The following NKX6-3 variants were observed in gnomAD, a reference collection of about 807,000 sequenced individuals.
The protein encoded by NKX6-3 is NK6 homeobox 3.
In NKX6-3, 17 loss-of-function variants were observed where a neutral mutation model predicts 22.0. That is an observed-to-expected ratio of 0.77 (90% confidence interval 0.53 to 1.16). The LOEUF (loss-of-function observed/expected upper bound fraction) is 1.16, where lower values mean the gene tolerates loss of function less well. Ranked by LOEUF, NKX6-3 falls within the 50% of genes most tolerant of loss-of-function variation. The pLI is 0.00. For missense variants in NKX6-3, 363 were observed against 359.0 expected (o/e 1.01, Z -0.09); for synonymous variants, 177 against 167.2 (o/e 1.06, Z -0.45).
At chr8:41,646,762 G>A in intron 2 of NKX6-3, 68 bp from the exon 3 acceptor site, 1 of 1,501,548 alleles carries the variant, frequency 6.7e-7, no homozygotes, top group Non-Finnish European at 8.8e-7. Flanking sequence ...CAGCCATCCT[G>A]CTTTTACAGC....
chr8:41,647,150 C>CTAACTAGGTCCATA, intron 2 of NKX6-3: 3 of 1,597,902 alleles, frequency 1.9e-6, no homozygotes, highest in Non-Finnish European at 2.6e-6. Context: ...AGAAAAGTAA[C>CTAACTAGGTCCATA]GTAGGTCCAT....
rs753672256 is a variant in NKX6-3, at chr8:41,646,619, G to T, written c.628C>A (p.Pro210Thr). Residue 210 changes from proline to threonine, a missense_variant, in exon 3 of 3, where the codon CCG (proline) becomes ACG (threonine). Pro to Thr is a conservative substitution (Grantham distance 38). Around this residue, in one of 3 missense-constraint regions of NKX6-3, gnomAD observed 169 missense variants for 155.8 expected, o/e 1.08. Transcript: ENST00000518699. Reference sequence around the variant, plus strand: ...CCTGCGCCTGCACCCGCGCCGCCCGGGGCCCGGGGCGTGGAGGACGAGGGC... The same window carrying T: ...CCTGCGCCTGCACCCGCGCCGCCCGTGGCCCGGGGCGTGGAGGACGAGGGC... ...LEPSSSTPRA[P>T]GGAGAGAGGD... 7.7e-6 allele frequency: 12 copies of T among 1,559,310 alleles called. No homozygotes were observed. In the East Asian group the frequency reaches 2.9e-4, roughly 37 times the overall value.
rs911580064 is a variant in NKX6-3, at chr8:41,650,375, G to C, written c.118C>G (p.Pro40Ala). The C allele has an allele frequency of 6.5e-7, 1 of 1,535,332 alleles. No homozygotes were observed. The highest frequency in any genetic ancestry group is 1.4e-5 in the African/African-American group (1 of 73,020). ...SVQNSFYKLS[P>A]PGLGPQLAAG... is the part of the protein sequence containing the mutation. Reference sequence around the variant, plus strand: ...GCCAGCTGGGGGCCCAGCCCTGGGGGGCTGAGCTTGTAGAAGGAGTTCTGC... The same window carrying C: ...GCCAGCTGGGGGCCCAGCCCTGGGGCGCTGAGCTTGTAGAAGGAGTTCTGC... Residue 40 changes from proline to alanine, a missense_variant, in exon 1 of 3, where the codon CCC becomes GCC. Pro to Ala is a conservative substitution (Grantham distance 27). This residue lies in a region of NKX6-3 where 175 missense variants were observed against 160.9 expected (regional missense o/e 1.09). Coordinates refer to ENST00000518699, the MANE Select transcript of NKX6-3 (RefSeq NM_001364841.2).
At chr8:41,648,474 G>T (rs541559238) in intron 1 of NKX6-3, among the ~76,000 whole-genome samples, 3 of 152,282 alleles carry the variant, frequency 2.0e-5, no homozygotes, top group Non-Finnish European at 4.4e-5. Context: ...GGGACTTAGG[G>T]GCAGCAGAGC....
At position 41,650,302 on chromosome 8, in the gene NKX6-3, G is replaced by A. The variant is rs1431434997; in HGVS notation, c.191C>T (p.Ala64Val). 1 of 1,534,654 alleles carries A rather than the reference G, an allele frequency of 6.5e-7. No individual in the cohort carries two copies. Among genetic ancestry groups the A allele is most frequent in the Admixed American group, 2.0e-5 (1 of 50,782 alleles). Residue 64 changes from alanine (A) to valine (V), a missense_variant, in exon 1 of 3, where the codon GCT becomes GTT. Ala to Val is a moderately conservative substitution (Grantham distance 64). Transcript: ENST00000518699. ...GGAGAGGAGGCTGTTGTTCGGCGCA[G>A]CCACGGGCCTGCTCAGGATGTCCGT... Reference protein sequence around the residue: ...GITDILSRPVAAPNNSLLSGY... With the variant: ...GITDILSRPVVAPNNSLLSGY...
rs1328261929 is a variant in NKX6-3, at chr8:41,646,661, TC to T, written c.585del (p.Lys196ArgfsTer143). 1 of 1,545,296 alleles carries T rather than the reference TC, an allele frequency of 6.5e-7. No homozygotes were observed. Among genetic ancestry groups the T allele is most frequent in the South Asian group, 1.2e-5 (1 of 84,052 alleles). ...VWFQNRRTKWRKKSALEPSSS... is the reference protein window; with the variant it reads ...VWFQNRRTKWXKKSALEPSSS... ...GACGAGGGCTCCAGGGCGCTCTTCT[TC>T]CGCCACTTGGTCCTGCGGTTCTGGA... On this transcript the variant is annotated frameshift_variant, in exon 3 of 3. Transcript: ENST00000518699. LOFTEE classifies it high-confidence loss of function.
chr8:41,650,392 G>T lies in NKX6-3; in HGVS notation c.101C>A (p.Ser34Tyr). 2.0e-6 allele frequency: 3 copies of T among 1,535,566 alleles called. No homozygotes were observed. The highest frequency in any genetic ancestry group is 2.6e-6 in the Non-Finnish European group (3 of 1,146,628). The change falls in exon 1 of 3, where the codon TCC (serine) becomes TAC (tyrosine). Residue 34 changes from serine (S) to tyrosine (Y), a missense_variant. This residue lies in a region of NKX6-3 where 175 missense variants were observed against 160.9 expected (regional missense o/e 1.09). Coordinates refer to ENST00000518699, the MANE Select transcript of NKX6-3 (RefSeq NM_001364841.2). ...APVCQYSVQNSFYKLSPPGLG... is the reference protein window; with the variant it reads ...APVCQYSVQNYFYKLSPPGLG... ...CCCTGGGGGGCTGAGCTTGTAGAAG[G>T]AGTTCTGCACAGAGTACTGGCACAC...
rs1215407412 is a variant in NKX6-3, at chr8:41,646,328, C to G, written c.*121G>C. ...CCTGCTGCTCCTCCTCCACGCGCCCCTCATCCAAAGAAAGACTCAGTCCCT... is the reference window on the plus strand; with the variant it reads ...CCTGCTGCTCCTCCTCCACGCGCCCGTCATCCAAAGAAAGACTCAGTCCCT... On this transcript the variant is annotated 3_prime_UTR_variant, in exon 3 of 3. Coordinates refer to ENST00000518699, the MANE Select transcript of NKX6-3 (RefSeq NM_001364841.2). 1 of 1,265,892 alleles carries G rather than the reference C, an allele frequency of 7.9e-7. No individual in the cohort carries two copies. The highest frequency in any genetic ancestry group is 1.4e-5 in the South Asian group (1 of 74,052). 78.4% of individuals were successfully genotyped at this position (1,265,892 alleles called of 1,614,324 possible).
At chr8:41,648,746 G>A (rs1804259396) in intron 1 of NKX6-3, among the ~76,000 whole-genome samples, 1 of 152,244 alleles carries the variant, frequency 6.6e-6, no homozygotes, top group South Asian at 2.1e-4. Flanking sequence ...CACCAGGCCT[G>A]GAAGTTATGT....
Position 41,646,583 on chromosome 8 carries a change from C to A in NKX6-3, c.664G>T (p.Ala222Ser). Residue 222 changes from alanine to serine, a missense_variant, in exon 3 of 3, where the codon GCA (alanine) becomes TCA (serine). Physicochemically the swap from Ala to Ser is moderately conservative, Grantham distance 99. Around this residue, in one of 3 missense-constraint regions of NKX6-3, gnomAD observed 169 missense variants for 155.8 expected, o/e 1.08. Coordinates refer to ENST00000518699, the MANE Select transcript of NKX6-3 (RefSeq NM_001364841.2). Reference sequence around the variant, plus strand: ...TCGTCGTCCTCGTTCTCCGAGGGTGCGCGGTCCCCGCCTGCGCCTGCACCC... The same window carrying A: ...TCGTCGTCCTCGTTCTCCGAGGGTGAGCGGTCCCCGCCTGCGCCTGCACCC... ...GAGAGAGGDR[A>S]PSENEDDEYN... is the part of the protein sequence containing the mutation. 2 of 1,579,706 alleles carry A rather than the reference C, an allele frequency of 1.3e-6. No homozygotes were observed. Among genetic ancestry groups the A allele is most frequent in the South Asian group, 1.1e-5 (1 of 87,358 alleles).
Position 41,650,135 on chromosome 8 carries a change from G to A in NKX6-3, c.358C>T (p.Arg120Ter), listed in dbSNP as rs1294768067. The change falls in exon 1 of 3, where the codon CGA becomes TGA. Residue 120 changes from arginine (R) to a stop codon, truncating the protein, a stop_gained. Coordinates refer to ENST00000518699, the MANE Select transcript of NKX6-3 (RefSeq NM_001364841.2). LOFTEE classifies it high-confidence loss of function. ...NCWADTGQDW[R>*]GGRQCSNTPD... Reference sequence around the variant, plus strand: ...CTGTTGCTGCACTGCCGCCCGCCTCGCCAGTCTTGGCCCGTGTCCGCCCAG... The same window carrying A: ...CTGTTGCTGCACTGCCGCCCGCCTCACCAGTCTTGGCCCGTGTCCGCCCAG... The A allele has an allele frequency of 5.9e-6, 9 of 1,535,188 alleles. No individual in the cohort carries two copies. Among genetic ancestry groups the A allele is most frequent in the Non-Finnish European group, 7.8e-6 (9 of 1,146,516 alleles).
intron 1 of NKX6-3, among the ~76,000 whole-genome samples, chr8:41,648,439 G>A (rs565358549): frequency 2.0e-5 from 3 of 152,306 alleles, no homozygotes; most frequent in African/African-American, 4.8e-5. Flanking sequence ...GCAGGGCTCC[G>A]AGAGGGCAGC....
At position 41,646,672 on chromosome 8, in the gene NKX6-3, G is replaced by T; in HGVS notation, c.575C>A (p.Thr192Asn). The change falls in exon 3 of 3, where the codon ACC becomes AAC. Residue 192 changes from threonine to asparagine, a missense_variant. This residue lies in a region of NKX6-3 where 169 missense variants were observed against 155.8 expected (regional missense o/e 1.08). Transcript: ENST00000518699. Reference protein sequence around the residue: ...QVKVWFQNRRTKWRKKSALEP... With the variant: ...QVKVWFQNRRNKWRKKSALEP... ...CAGGGCGCTCTTCTTCCGCCACTTGGTCCTGCGGTTCTGGAACCACACCTG... is the reference window on the plus strand; with the variant it reads ...CAGGGCGCTCTTCTTCCGCCACTTGTTCCTGCGGTTCTGGAACCACACCTG... 1 of 1,543,420 alleles carries T rather than the reference G, an allele frequency of 6.5e-7. No homozygotes were observed. The highest frequency in any genetic ancestry group is 8.7e-7 in the Non-Finnish European group (1 of 1,146,384).
chr8:41,646,499 T>G lies in NKX6-3; in HGVS notation c.748A>C (p.Lys250Gln). Residue 250 changes from lysine to glutamine, a missense_variant, in exon 3 of 3, where the codon AAG becomes CAG. By Grantham distance (53) the Lys-to-Gln change is moderately conservative. Transcript: ENST00000518699. ...DDEKIRLLLR[K>Q]HRAAFSVLSL... ...AGCACCGAGAAGGCGGCGCGGTGCTTGCGCAGCAGCAGGCGGATCTTCTCG... is the reference window on the plus strand; with the variant it reads ...AGCACCGAGAAGGCGGCGCGGTGCTGGCGCAGCAGCAGGCGGATCTTCTCG... The G allele has an allele frequency of 4.3e-6, 7 of 1,610,792 alleles. No individual in the cohort carries two copies. The highest frequency in any genetic ancestry group is 5.9e-6 in the Non-Finnish European group (7 of 1,178,960).
chr8:41,649,437 G>T (rs150351421), intron 1 of NKX6-3, among the ~76,000 whole-genome samples: 22 of 152,326 alleles, frequency 1.4e-4, no homozygotes, highest in African/African-American at 5.3e-4. Context: ...CAGTAACCCT[G>T]ACTGGCATCA....
chr8:41,646,016 C>A lies in NKX6-3; in HGVS notation c.*433G>T, dbSNP rs1050845434. On this transcript the variant is annotated 3_prime_UTR_variant, in exon 3 of 3. Coordinates refer to ENST00000518699, the MANE Select transcript of NKX6-3 (RefSeq NM_001364841.2). ...ACTCCCCAGCCAGCTGCCTCCCTCCCTGGGAAGTCCTGCCCACTCCCCCCG... is the reference window on the plus strand; with the variant it reads ...ACTCCCCAGCCAGCTGCCTCCCTCCATGGGAAGTCCTGCCCACTCCCCCCG... The A allele has an allele frequency of 4.6e-6, 1 of 215,840 alleles. No individual in the cohort carries two copies. The highest frequency in any genetic ancestry group is 9.1e-6 in the Non-Finnish European group (1 of 110,124). The allele number at this position is 215,840 out of a possible 1,614,324, so 13.4% of individuals were successfully genotyped here.
intron 1 of NKX6-3, among the ~76,000 whole-genome samples, chr8:41,648,481 G>A (rs1389095688): frequency 6.6e-6 from 1 of 152,218 alleles, no homozygotes; most frequent in East Asian, 1.9e-4. Flanking sequence ...AGGGGCAGCA[G>A]AGCCTCATGC....
rs1040738955 is a variant in NKX6-3, at chr8:41,646,193, C to A, written c.*256G>T. On this transcript the variant is annotated 3_prime_UTR_variant, in exon 3 of 3. Coordinates refer to ENST00000518699, the MANE Select transcript of NKX6-3 (RefSeq NM_001364841.2). ...GTGCAAGGGGCAGCGGCTTCCAGGT[C>A]TCAGGAGTGCTGTGCCTCCCTCCTG... 5.1e-6 allele frequency: 3 copies of A among 584,332 alleles called. No individual in the cohort carries two copies. Among genetic ancestry groups the A allele is most frequent in the Non-Finnish European group, 9.0e-6 (3 of 332,298 alleles). The allele number at this position is 584,332 out of a possible 1,614,324, so 36.2% of individuals were successfully genotyped here.
intron 2 of NKX6-3, 58 bp downstream of exon 2, chr8:41,648,008 C>T: frequency 1.4e-6 from 2 of 1,447,236 alleles, no homozygotes; most frequent in African/African-American, 1.4e-5. Flanking sequence ...AACGCAGTGG[C>T]CTCCTGTCCG....
Sources: allele counts gnomAD v4.1 joint callset (sites outside exome capture counted in the v4.1 genomes callset), GRCh38; gene constraint gnomAD v4.1.1; regional missense constraint gnomAD v4.1.1; transcripts MANE v1.5; gene names NCBI Gene and HGNC (gene_info 2026-07-23, HGNC 2026-07-21).